The following DLGAP2 variants were observed in gnomAD, a reference collection of about 807,000 sequenced individuals.
DLGAP2 encodes the protein DLG associated protein 2.
In DLGAP2, 26 loss-of-function variants were observed where a neutral mutation model predicts 100.3. The ratio of observed to expected loss-of-function variants is 0.26; its 90% CI spans 0.19 to 0.36. DLGAP2 has a LOEUF of 0.36. Among genes scored for constraint, DLGAP2 ranks in the 10% least tolerant of loss-of-function variants. The probability of loss-of-function intolerance (pLI) is 1.00; values close to 1 mark genes in which losing one functional copy is unlikely to be tolerated. For synonymous variants in DLGAP2, 886 were observed against 630.1 expected, an observed-to-expected ratio of 1.41 and a Z score of -6.08; for missense variants, 1,858 against 1,453.2, an observed-to-expected ratio of 1.28 and a Z score of -4.53.
At chr8:1,503,496 A>G (rs1799795576) in intron 4 of DLGAP2, among the ~76,000 whole-genome samples, 1 of 152,100 alleles carries the variant, frequency 6.6e-6, no homozygotes, top group Non-Finnish European at 1.5e-5. Flanking sequence ...TTGTGGATGG[A>G]CCACACTGGT....
At chr8:1,374,831 A>G (rs1802349806) in intron 3 of DLGAP2, among the ~76,000 whole-genome samples, 1 of 152,152 alleles carries the variant, frequency 6.6e-6, no homozygotes. Context: ...CCACTCAGGA[A>G]AGCAACTGTG....
chr8:1,490,925 A>G (rs1205464097), intron 3 of DLGAP2, among the ~76,000 whole-genome samples: 3 of 150,842 alleles, frequency 2.0e-5, no homozygotes, highest in East Asian at 3.9e-4. Flanking sequence ...TCTAATGCTA[A>G]ATGATGAGTT....
chr8:947,551 C>T (rs2129006772), intron 2 of DLGAP2, among the ~76,000 whole-genome samples: 1 of 152,292 alleles, frequency 6.6e-6, no homozygotes, highest in South Asian at 2.1e-4. Context: ...ATCCTGGACC[C>T]ACAGGTTGCC....
chr8:1,257,257 G>A (rs1057100043), intron 2 of DLGAP2, among the ~76,000 whole-genome samples: 3 of 151,978 alleles, frequency 2.0e-5, no homozygotes, highest in Non-Finnish European at 2.9e-5. Flanking sequence ...GGTGAGCTCC[G>A]TCCCCGCCCC....
intron 3 of DLGAP2, among the ~76,000 whole-genome samples, chr8:1,351,997 T>C (rs181034744): frequency 1.7e-5 from 1 of 59,942 alleles, no homozygotes; most frequent in Non-Finnish European, 3.6e-5. Flanking sequence ...CCTGACTGTG[T>C]GTGGAAAGGC....
At chr8:1,618,888 T>A (rs1197848117) in intron 6 of DLGAP2, among the ~76,000 whole-genome samples, 3 of 152,130 alleles carry the variant, frequency 2.0e-5, no homozygotes, top group Admixed American at 2.0e-4. Context: ...AGTAGCACCC[T>A]CCTCTAAATT....
At chr8:1,092,073 C>G (rs1306722522) in intron 2 of DLGAP2, among the ~76,000 whole-genome samples, 1 of 152,176 alleles carries the variant, frequency 6.6e-6, no homozygotes, top group African/African-American at 2.4e-5. Context: ...GCCTCTCCTG[C>G]GTGTCTCCTC....
intron 3 of DLGAP2, chr8:1,379,711 GTGAGTGAC>G (rs1325706891): frequency 3.9e-5 from 6 of 152,440 alleles, no homozygotes; most frequent in African/African-American, 1.4e-4. Flanking sequence ...CCCCAGTGCC[GTGAGTGAC>G]TGAGGCTGGC....
At chr8:1,111,759 G>T (rs1436631889) in intron 2 of DLGAP2, among the ~76,000 whole-genome samples, 3 of 152,128 alleles carry the variant, frequency 2.0e-5, no homozygotes, top group Non-Finnish European at 4.4e-5. Context: ...TGGCTGTATA[G>T]TATTCCATGG....
chr8:950,937 TATA>T (rs1341414257), intron 2 of DLGAP2, among the ~76,000 whole-genome samples: 1 of 152,152 alleles, frequency 6.6e-6, no homozygotes, highest in East Asian at 1.9e-4. Context: ...GAATATTTCT[TATA>T]TTAAAAGATC....
intron 1 of DLGAP2, among the ~76,000 whole-genome samples, chr8:885,316 T>C (rs1187946784): frequency 1.3e-5 from 2 of 152,186 alleles, no homozygotes; most frequent in African/African-American, 2.4e-5. Flanking sequence ...GTGGTTTAAG[T>C]ACTTCTCCTT....
intron 3 of DLGAP2, among the ~76,000 whole-genome samples, chr8:1,379,408 A>G (rs1186095550): frequency 6.6e-6 from 1 of 152,220 alleles, no homozygotes; most frequent in Non-Finnish European, 1.5e-5. Flanking sequence ...AGGTGGAGAA[A>G]CGGGCAGGGA....
At chr8:1,037,218 G>A (rs1319709173) in intron 2 of DLGAP2, among the ~76,000 whole-genome samples, 3 of 152,084 alleles carry the variant, frequency 2.0e-5, no homozygotes, top group Non-Finnish European at 2.9e-5. Context: ...CTGTCCTCCC[G>A]GCCCGAGCGC....
intron 3 of DLGAP2, among the ~76,000 whole-genome samples, chr8:1,431,140 AGAAACACAT>A (rs1419761375): frequency 6.6e-6 from 1 of 152,260 alleles, no homozygotes; most frequent in Non-Finnish European, 1.5e-5. Context: ...TACAGAGAAC[AGAAACACAT>A]GCGATTCAAA....
rs1186618047 is a variant in DLGAP2 at position 1,701,798 on chromosome 8, C to T, written c.*392C>T. 1 of 202,162 alleles carries T rather than the reference C, an allele frequency of 4.9e-6. No homozygotes were observed. The highest frequency in any genetic ancestry group is 2.3e-5 in the African/African-American group (1 of 42,738). The allele number at this position is 202,162 out of a possible 1,614,324, so 12.5% of individuals were successfully genotyped here. ...AATTAGAGGTAAGAATAACAAGTAA[C>T]TATAAACGGGTGCATCCCACCACTC... is the stretch of plus-strand genomic sequence containing the variant. On this transcript the variant is annotated 3_prime_UTR_variant, in exon 15 of 15. Coordinates refer to ENST00000637795, the MANE Select transcript of DLGAP2 (RefSeq NM_001346810.2).
chr8:1,542,505 G>C (rs920822209), intron 4 of DLGAP2, among the ~76,000 whole-genome samples: 1 of 152,194 alleles, frequency 6.6e-6, no homozygotes. Context: ...GTGGTCTTTT[G>C]TGACTGGCTT....
At chr8:1,004,037 A>G (rs1183581453) in intron 2 of DLGAP2, among the ~76,000 whole-genome samples, 2 of 152,194 alleles carry the variant, frequency 1.3e-5, no homozygotes, top group Non-Finnish European at 2.9e-5. Context: ...CTGGCACAAA[A>G]TAATTGCCCG....
intron 2 of DLGAP2, among the ~76,000 whole-genome samples, chr8:1,172,972 T>G (rs1484620530): frequency 1.3e-5 from 2 of 152,198 alleles, no homozygotes; most frequent in Non-Finnish European, 2.9e-5. Context: ...TTTTAGAGTT[T>G]CCATTTTTTC....
At chr8:817,213 C>T (rs1460994230) in intron 1 of DLGAP2, among the ~76,000 whole-genome samples, 1 of 150,808 alleles carries the variant, frequency 6.6e-6, no homozygotes, top group African/African-American at 2.4e-5. Flanking sequence ...AAAGCCTTGT[C>T]TTAAGCTCTC....
Sources: gnomAD v4.1 joint callset for allele counts (sites outside exome capture counted in the v4.1 genomes callset) on GRCh38, gnomAD v4.1.1 for gene constraint, MANE v1.5 for transcripts, NCBI Gene and HGNC (gene_info 2026-07-23, HGNC 2026-07-21) for gene names.